SDK1: variants seen among roughly 807,000 people sequenced by gnomAD.
SDK1 encodes the protein sidekick cell adhesion molecule 1.
SDK1 carries 157 observed loss-of-function variants against 245.5 expected under a neutral mutation model. The observed-to-expected ratio is 0.64, with a 90% confidence interval of 0.56 to 0.73. The LOEUF (loss-of-function observed/expected upper bound fraction) is 0.73. Among genes scored for constraint, SDK1 ranks in the 30% least tolerant of loss-of-function variants. SDK1 has a pLI of 0.00. For synonymous variants in SDK1, 1,647 were observed against 1,278.5 expected (o/e 1.29, Z -6.15); for missense variants, 3,583 against 3,002.3 (o/e 1.19, Z -4.52).
chr7:3,358,084 G>C (rs1270028402), intron 1 of SDK1, among the ~76,000 whole-genome samples: 5 of 152,000 alleles, frequency 3.3e-5, no homozygotes, highest in African/African-American at 4.8e-5. Flanking sequence ...TGCAGTGACA[G>C]GATCTCGGCT....
chr7:3,673,922 A>C (rs1783804018), intron 4 of SDK1, among the ~76,000 whole-genome samples: 2 of 152,242 alleles, frequency 1.3e-5, no homozygotes, highest in South Asian at 4.1e-4. Context: ...ACCCAAAGCA[A>C]ATTTTATTAA....
chr7:3,699,975 A>G (rs1332488151), intron 4 of SDK1, among the ~76,000 whole-genome samples: 3 of 127,376 alleles, frequency 2.4e-5, no homozygotes, highest in African/African-American at 9.1e-5. Context: ...CCTGACATAT[A>G]GGGGGAAACA....
intron 35 of SDK1, among the ~76,000 whole-genome samples, chr7:4,193,640 A>G (rs913376870): frequency 1.3e-5 from 2 of 152,008 alleles, no homozygotes; most frequent in Non-Finnish European, 2.9e-5. Context: ...AAGGCTGTGC[A>G]TGCACCTTAA....
intron 1 of SDK1, among the ~76,000 whole-genome samples, chr7:3,314,165 T>C (rs1305547317): frequency 6.6e-6 from 1 of 151,900 alleles, no homozygotes; most frequent in African/African-American, 2.4e-5. Flanking sequence ...CTAGCAGGGA[T>C]ACATATAGGC....
intron 4 of SDK1, among the ~76,000 whole-genome samples, chr7:3,648,385 C>T (rs1041498564): frequency 6.6e-6 from 1 of 152,130 alleles, no homozygotes; most frequent in Non-Finnish European, 1.5e-5. Context: ...CACAAGTATT[C>T]TTGAATGTTT....
chr7:3,634,244 A>G (rs1307365246), intron 2 of SDK1, among the ~76,000 whole-genome samples: 1 of 152,152 alleles, frequency 6.6e-6, no homozygotes, highest in Non-Finnish European at 1.5e-5. Flanking sequence ...GATCCTAGGT[A>G]GACTGAAAAT....
intron 1 of SDK1, among the ~76,000 whole-genome samples, chr7:3,608,554 C>T (rs1781493350): frequency 6.6e-6 from 1 of 152,172 alleles, no homozygotes; most frequent in Non-Finnish European, 1.5e-5. Flanking sequence ...AATATGCCCA[C>T]CATGAGCTTG....
chr7:3,541,999 A>G (rs1343556277), intron 1 of SDK1, among the ~76,000 whole-genome samples: 1 of 152,254 alleles, frequency 6.6e-6, no homozygotes, highest in Non-Finnish European at 1.5e-5. Flanking sequence ...GCACATGTAT[A>G]CATATGTAAC....
At chr7:3,538,880 G>C (rs1028290084) in intron 1 of SDK1, among the ~76,000 whole-genome samples, 2 of 152,210 alleles carry the variant, frequency 1.3e-5, no homozygotes, top group Non-Finnish European at 2.9e-5. Context: ...TATGCTGTCG[G>C]CATGATTTTA....
At chr7:4,200,784 C>A (rs749053525) in intron 35 of SDK1, among the ~76,000 whole-genome samples, 1 of 152,200 alleles carries the variant, frequency 6.6e-6, no homozygotes, top group Non-Finnish European at 1.5e-5. Context: ...GTATTCAGCC[C>A]ACATTCAAGG....
chr7:3,393,130 C>T (rs888642003), intron 1 of SDK1, among the ~76,000 whole-genome samples: 46 of 151,998 alleles, frequency 3.0e-4, no homozygotes, highest in African/African-American at 9.2e-4. Flanking sequence ...GCCACCACGC[C>T]TGGCTAATTT....
chr7:4,265,058 C>A, intron 44 of SDK1, 66 bp from the exon 45 acceptor site: 2 of 1,563,070 alleles, frequency 1.3e-6, no homozygotes, highest in South Asian at 1.2e-5. Flanking sequence ...GCCAGGCCTC[C>A]TGCCCAGCAC....
chr7:3,662,992 A>G (rs927202786), intron 4 of SDK1, among the ~76,000 whole-genome samples: 2 of 152,208 alleles, frequency 1.3e-5, no homozygotes, highest in African/African-American at 4.8e-5. Flanking sequence ...ATGTATATGC[A>G]AGTATGCATG....
intron 22 of SDK1, among the ~76,000 whole-genome samples, chr7:4,094,630 G>A (rs564111056): frequency 1.3e-5 from 2 of 152,336 alleles, no homozygotes; most frequent in African/African-American, 4.8e-5. Flanking sequence ...GCAAAGGACC[G>A]GGACCTCAGA....
At chr7:3,386,304 C>T (rs1781608661) in intron 1 of SDK1, among the ~76,000 whole-genome samples, 1 of 152,148 alleles carries the variant, frequency 6.6e-6, no homozygotes, top group African/African-American at 2.4e-5. Context: ...TAATACCATG[C>T]AGATTGCAGT....
At chr7:4,082,252 C>T (rs185077240) in intron 22 of SDK1, among the ~76,000 whole-genome samples, 2 of 152,118 alleles carry the variant, frequency 1.3e-5, no homozygotes, top group African/African-American at 4.8e-5. Context: ...TCAGTGAAAA[C>T]TTTGGCCAGG....
chr7:3,813,956 GTTGT>G (rs1415167177), intron 4 of SDK1, among the ~76,000 whole-genome samples: 20 of 131,738 alleles, frequency 1.5e-4, no homozygotes, highest in Non-Finnish European at 2.4e-4. Context: ...TTTTGATGGG[GTTGT>G]TTGTTTTTTT....
intron 4 of SDK1, among the ~76,000 whole-genome samples, chr7:3,749,192 A>G (rs1779707657): frequency 1.3e-5 from 2 of 152,064 alleles, no homozygotes; most frequent in South Asian, 4.1e-4. Context: ...GCTGGAGTGC[A>G]GTGGCATAAT....
intron 1 of SDK1, among the ~76,000 whole-genome samples, chr7:3,326,519 T>C (rs977566121): frequency 2.0e-5 from 3 of 152,132 alleles, no homozygotes; most frequent in African/African-American, 7.2e-5. Flanking sequence ...TTAGGGTAAA[T>C]ACTTTGAAGT....
Sources: gnomAD v4.1 joint callset for allele counts (sites outside exome capture counted in the v4.1 genomes callset) on GRCh38, gnomAD v4.1.1 for gene constraint, MANE v1.5 for transcripts, NCBI Gene and HGNC (gene_info 2026-07-23, HGNC 2026-07-21) for gene names.